The following CRYZL1 variants were observed in gnomAD, a reference collection of about 807,000 sequenced individuals.
CRYZL1 encodes ferry endosomal RAB5 effector complex subunit 4.
CRYZL1 carries 34 observed loss-of-function variants against 50.6 expected under a neutral mutation model. The ratio of observed to expected loss-of-function variants is 0.67; its 90% CI spans 0.51 to 0.89. CRYZL1 has a LOEUF of 0.89. CRYZL1 is among the 40% of genes least tolerant of loss of function. The pLI is 0.00. For synonymous variants in CRYZL1, 125 were observed against 134.3 expected (o/e 0.93, Z 0.48); for missense variants, 354 against 402.3 (o/e 0.88, Z 1.03).
rs746648810 is a variant in CRYZL1 at position 33,599,246 on chromosome 21, G to A, written c.580C>T (p.Arg194Ter). Residue 194 changes from arginine (R) to a stop codon, truncating the protein, a stop_gained and splice_region_variant, in exon 9 of 13, where the codon CGA (arginine) becomes TGA (stop). Transcript: ENST00000381554. LOFTEE classifies it high-confidence loss of function. ...TTCCCATTAGATACATCAATCACTC[G>A]GGCTGTAAAGGACAGGAAATCAGGC... ...CLERFRPPIA[R>*]VIDVSNGKVH... The A allele has an allele frequency of 3.7e-6, 6 of 1,613,452 alleles. No homozygotes were observed. Among genetic ancestry groups the A allele is most frequent in the Non-Finnish European group, 3.4e-6 (4 of 1,179,586 alleles).
At chr21:33,606,353 A>C (rs1391997903) in intron 6 of CRYZL1, among the ~76,000 whole-genome samples, 1 of 152,084 alleles carries the variant, frequency 6.6e-6, no homozygotes, top group Non-Finnish European at 1.5e-5. Flanking sequence ...CGGCCAGGCA[A>C]GGTGGCTCAC....
chr21:33,592,071 TA>T (rs2086649069), intron 11 of CRYZL1, among the ~76,000 whole-genome samples: 1 of 151,990 alleles, frequency 6.6e-6, no homozygotes, highest in Non-Finnish European at 1.5e-5. Context: ...TAATGCAATG[TA>T]AATACTATGT....
chr21:33,592,789 C>A (rs562083265), intron 11 of CRYZL1, among the ~76,000 whole-genome samples: 8 of 152,052 alleles, frequency 5.3e-5, no homozygotes, highest in African/African-American at 9.7e-5. Context: ...CGGTGGCTAA[C>A]GCCTGTAATC....
In CRYZL1 at chr21:33,616,923, T is replaced by C. The variant is rs2086940589; in HGVS notation, c.218-173A>G. The stretch of plus-strand genomic sequence containing the variant: ...TTGATGGTCTGTAAAGACTACAGGA[T>C]ATACAGCACTTCAAATCTGGATTCT... On this transcript the variant is annotated intron_variant, in intron 4 of 12. Transcript: ENST00000381554. 3 of 462,490 alleles carry C rather than the reference T, an allele frequency of 6.5e-6. No homozygotes were observed. In the East Asian group the frequency reaches 1.1e-4, roughly 17 times the overall value. 28.6% of individuals were successfully genotyped at this position (462,490 alleles called of 1,614,324 possible).
rs2145948608 is a variant in CRYZL1, at chr21:33,622,043, T to C, written c.170A>G (p.Lys57Arg). The C allele has an allele frequency of 1.2e-6, 2 of 1,612,786 alleles. No homozygotes were observed. The highest frequency in any genetic ancestry group is 1.7e-6 in the Non-Finnish European group (2 of 1,179,070). The change falls in exon 4 of 13, where the codon AAG (lysine) becomes AGG (arginine). Residue 57 changes from lysine to arginine, a missense_variant. Transcript: ENST00000381554. ...TTCTCTCCCAACAGGAAATAAATCC[T>C]TTTTCATCTTCATTTCTGCCAGAAG... ...TKLLAEMKMK[K>R]DLFPVGREIA...
At chr21:33,621,476 A>G (rs1051187972) in intron 4 of CRYZL1, among the ~76,000 whole-genome samples, 2 of 150,864 alleles carry the variant, frequency 1.3e-5, no homozygotes, top group South Asian at 2.1e-4. Context: ...CGAGTAGCTG[A>G]GACTACAGGC....
At chr21:33,618,731 A>G (rs760044877) in intron 4 of CRYZL1, among the ~76,000 whole-genome samples, 3 of 151,762 alleles carry the variant, frequency 2.0e-5, no homozygotes, top group Non-Finnish European at 4.4e-5. Context: ...TCATCCCCCA[A>G]TCCTTTTGGC....
At chr21:33,638,337 C>T (rs986104553) in intron 1 of CRYZL1, among the ~76,000 whole-genome samples, 2 of 151,906 alleles carry the variant, frequency 1.3e-5, no homozygotes, top group African/African-American at 4.8e-5. Flanking sequence ...CCCAGCCTCC[C>T]GAGTAGCTGG....
chr21:33,617,676 G>A (rs1251530343), intron 4 of CRYZL1, among the ~76,000 whole-genome samples: 2 of 152,072 alleles, frequency 1.3e-5, no homozygotes, highest in African/African-American at 2.4e-5. Flanking sequence ...GTACGTGATC[G>A]GGGGCTGCAT....
chr21:33,611,927 C>T (rs967128510), intron 6 of CRYZL1, among the ~76,000 whole-genome samples: 6 of 152,138 alleles, frequency 3.9e-5, no homozygotes, highest in Non-Finnish European at 7.4e-5. Context: ...TTGCTTTTTT[C>T]ACTCAATGCT....
chr21:33,599,609 C>T (rs561890649), intron 8 of CRYZL1, among the ~76,000 whole-genome samples: 1 of 149,342 alleles, frequency 6.7e-6, no homozygotes, highest in South Asian at 2.1e-4. Flanking sequence ...ATATATAATA[C>T]GACATGAAAT....
Position 33,603,391 on chromosome 21 carries a change from C to T in CRYZL1, c.465+13G>A. ...ATGCTTGTCTGTTTCTTAACAAAAC[C>T]ATTAGCACCTACACTTGCTCCATCC... On this transcript the variant is annotated intron_variant, in intron 7 of 12. Coordinates refer to ENST00000381554, the MANE Select transcript of CRYZL1 (RefSeq NM_145858.3). The T allele has an allele frequency of 6.2e-7, 1 of 1,613,142 alleles. No individual in the cohort carries two copies. The highest frequency in any genetic ancestry group is 8.5e-7 in the Non-Finnish European group (1 of 1,179,624).
At position 33,599,316 on chromosome 21, in the gene CRYZL1, A is replaced by G. The variant is rs1299031013; in HGVS notation, c.578-68T>C. On this transcript the variant is annotated intron_variant, in intron 8 of 12. Coordinates refer to ENST00000381554, the MANE Select transcript of CRYZL1 (RefSeq NM_145858.3). ...TGATCAACACAAACAAATCAGGGAA[A>G]AAGAAAAAGAAAAGCAAATAAATAT... The G allele has an allele frequency of 2.5e-6, 4 of 1,599,100 alleles. No individual in the cohort carries two copies. In the South Asian group the frequency reaches 3.3e-5, roughly 13 times the overall value.
intron 1 of CRYZL1, chr21:33,639,967 A>G (rs1377262265): frequency 1.2e-5 from 5 of 417,196 alleles, no homozygotes; most frequent in Non-Finnish European, 2.1e-5. Context: ...CTGGAATTAC[A>G]GGCGTGCACC....
At chr21:33,636,596 T>C (rs1219682343) in intron 1 of CRYZL1, among the ~76,000 whole-genome samples, 1 of 152,196 alleles carries the variant, frequency 6.6e-6, no homozygotes, top group Non-Finnish European at 1.5e-5. Context: ...AATACCAATT[T>C]AGAATAATTT....
At chr21:33,621,531 C>T (rs1323635813) in intron 4 of CRYZL1, among the ~76,000 whole-genome samples, 3 of 151,648 alleles carry the variant, frequency 2.0e-5, no homozygotes, top group African/African-American at 7.3e-5. Context: ...TTAGTAGTGA[C>T]GGGGTTTCAC....
Position 33,634,870 on chromosome 21 carries a change from C to CA in CRYZL1, c.-6-3314dup, listed in dbSNP as rs2087184336. On this transcript the variant is annotated intron_variant, in intron 1 of 12. Transcript: ENST00000381554. ...TACCCCTAGTATCCCTTAAAACAAA[C>CA]AACAACAACAATATATATATATATA... is the stretch of plus-strand genomic sequence containing the variant. Among the ~76,000 whole-genome samples the CA allele has an allele frequency of 2.8e-5, 3 of 105,638 alleles. No homozygotes were observed. In the South Asian group the frequency reaches 9.1e-4, roughly 32 times the overall value. The allele number at this position is 105,638 out of a possible 152,430, so 69.3% of individuals were successfully genotyped here.
intron 6 of CRYZL1, among the ~76,000 whole-genome samples, chr21:33,612,382 G>A (rs887829089): frequency 1.3e-5 from 2 of 151,818 alleles, no homozygotes; most frequent in Non-Finnish European, 2.9e-5. Context: ...CACCTCCCGG[G>A]TTCAAGTGAT....
chr21:33,622,652 T>G (rs1443972159), intron 3 of CRYZL1, among the ~76,000 whole-genome samples: 1 of 152,188 alleles, frequency 6.6e-6, no homozygotes. Context: ...GGTATTTTAT[T>G]AGATTGTGAC....
Sources: allele counts gnomAD v4.1 joint callset (sites outside exome capture counted in the v4.1 genomes callset), GRCh38; gene constraint gnomAD v4.1.1; transcripts MANE v1.5; gene names NCBI Gene and HGNC (gene_info 2026-07-23, HGNC 2026-07-21).